KCNJ3: variants seen among roughly 807,000 people sequenced by gnomAD.
The protein encoded by KCNJ3 is G protein-activated inward rectifier potassium channel 1.
In KCNJ3, 4 loss-of-function variants were observed where a neutral mutation model predicts 39.2. That is an observed-to-expected ratio of 0.10 (90% confidence interval 0.05 to 0.23). The LOEUF (loss-of-function observed/expected upper bound fraction) is 0.23, where lower values mean the gene tolerates loss of function less well. Ranked by LOEUF, KCNJ3 falls within the 10% of genes least tolerant of loss-of-function variation. KCNJ3 has a pLI of 1.00. For missense variants in KCNJ3, 276 were observed against 634.9 expected (o/e 0.43, Z 6.08); for synonymous variants, 230 against 237.4 (o/e 0.97, Z 0.29).
chr2:154,827,131 G>A (rs1687284702), intron 2 of KCNJ3, among the ~76,000 whole-genome samples: 1 of 152,032 alleles, frequency 6.6e-6, no homozygotes, highest in African/African-American at 2.4e-5. Context: ...AGCTTAATAA[G>A]TCTGTTTTTA....
chr2:154,827,098 T>G lies in KCNJ3; in HGVS notation c.920-27629T>G, dbSNP rs530593764. Among the ~76,000 whole-genome samples the G allele has an allele frequency of 2.0e-5, 3 of 152,288 alleles. No individual in the cohort carries two copies. The South Asian group carries it at 6.2e-4, about 32-fold the overall frequency. Reference sequence around the variant, plus strand: ...TCCTGTTCTTGGAGATGACAACCTTTTGCCGAATTGTATCCTTCTCCCAGC... The same window carrying G: ...TCCTGTTCTTGGAGATGACAACCTTGTGCCGAATTGTATCCTTCTCCCAGC... On this transcript the variant is annotated intron_variant, in intron 2 of 2. Transcript: ENST00000295101.
At chr2:154,745,089 C>T (rs1448525285) in intron 2 of KCNJ3, among the ~76,000 whole-genome samples, 1 of 151,932 alleles carries the variant, frequency 6.6e-6, no homozygotes, top group Non-Finnish European at 1.5e-5. Context: ...AGGGAACACA[C>T]TCTACCTCAT....
chr2:154,835,008 ATTTT>A (rs1005525584), intron 2 of KCNJ3, among the ~76,000 whole-genome samples: 1 of 145,878 alleles, frequency 6.9e-6, no homozygotes, highest in Non-Finnish European at 1.5e-5. Context: ...TTCTCTTCCT[ATTTT>A]TTTTTTTAAA....
intron 2 of KCNJ3, among the ~76,000 whole-genome samples, chr2:154,841,461 A>T (rs1163629016): frequency 6.6e-6 from 1 of 152,212 alleles, no homozygotes; most frequent in East Asian, 1.9e-4. Flanking sequence ...TGAGTTAGAG[A>T]GGATTCCCTC....
chr2:154,723,061 A>G (rs1480862908), intron 2 of KCNJ3, among the ~76,000 whole-genome samples: 2 of 151,864 alleles, frequency 1.3e-5, no homozygotes, highest in Non-Finnish European at 2.9e-5. Flanking sequence ...CAGTTGGATT[A>G]CTTGAGCCCC....
rs557783038 is a variant in KCNJ3, at chr2:154,735,487, G to A, written c.919+25668G>A. The stretch of plus-strand genomic sequence containing the variant: ...ATTGGAAGACAATCAGTTTTACAGG[G>A]TAAGAATTGTTTTAATTATGTGGCA... On this transcript the variant is annotated intron_variant, in intron 2 of 2. Coordinates refer to ENST00000295101, the MANE Select transcript of KCNJ3 (RefSeq NM_002239.4). Among the ~76,000 whole-genome samples, 20 of 152,250 alleles carry A rather than the reference G, an allele frequency of 1.3e-4. No individual in the cohort carries two copies. The South Asian group carries it at 4.1e-3, about 32-fold the overall frequency.
At chr2:154,760,501 A>G (rs1041959949) in intron 2 of KCNJ3, among the ~76,000 whole-genome samples, 1 of 151,834 alleles carries the variant, frequency 6.6e-6, no homozygotes, top group Non-Finnish European at 1.5e-5. Context: ...AATTACTTTG[A>G]GCAAATTCAA....
chr2:154,788,010 C>T (rs560595689), intron 2 of KCNJ3, among the ~76,000 whole-genome samples: 4 of 152,028 alleles, frequency 2.6e-5, no homozygotes, highest in Non-Finnish European at 5.9e-5. Flanking sequence ...GACATCTGTC[C>T]ACACCCATTT....
intron 2 of KCNJ3, among the ~76,000 whole-genome samples, chr2:154,740,491 T>C (rs2105174494): frequency 6.6e-6 from 1 of 152,058 alleles, no homozygotes; most frequent in Non-Finnish European, 1.5e-5. Context: ...ACTGTTGCCT[T>C]TTTAGAGAGA....
intron 2 of KCNJ3, among the ~76,000 whole-genome samples, chr2:154,728,783 G>A (rs1685402666): frequency 6.6e-6 from 1 of 151,964 alleles, no homozygotes. Context: ...TGGGATTCTG[G>A]GCCAGTTGAA....
chr2:154,712,583 T>C (rs1374293955), intron 2 of KCNJ3, among the ~76,000 whole-genome samples: 1 of 152,128 alleles, frequency 6.6e-6, no homozygotes, highest in Non-Finnish European at 1.5e-5. Flanking sequence ...GCTAGAGATA[T>C]AGTGGTGACC....
At chr2:154,734,747 T>C (rs1402322591) in intron 2 of KCNJ3, among the ~76,000 whole-genome samples, 1 of 152,118 alleles carries the variant, frequency 6.6e-6, no homozygotes, top group African/African-American at 2.4e-5. Flanking sequence ...TCCCTATTGA[T>C]ATAGAATGAA....
chr2:154,836,597 T>G (rs553602988), intron 2 of KCNJ3, among the ~76,000 whole-genome samples: 108 of 104,990 alleles, frequency 1.0e-3, no homozygotes, highest in Non-Finnish European at 1.6e-3. Context: ...ATTTTTTCTT[T>G]TAAAATACAT....
intron 1 of KCNJ3, among the ~76,000 whole-genome samples, chr2:154,701,102 T>A (rs1684887900): frequency 6.6e-6 from 1 of 152,204 alleles, no homozygotes; most frequent in South Asian, 2.1e-4. Flanking sequence ...GTTGTAGATA[T>A]GTTTATTACA....
At chr2:154,812,404 A>AT (rs1687020844) in intron 2 of KCNJ3, among the ~76,000 whole-genome samples, 1 of 152,172 alleles carries the variant, frequency 6.6e-6, no homozygotes, top group Non-Finnish European at 1.5e-5. Flanking sequence ...GAGTTAGGAC[A>AT]AAAATTATAA....
At chr2:154,829,612 G>A (rs1238301009) in intron 2 of KCNJ3, among the ~76,000 whole-genome samples, 1 of 152,096 alleles carries the variant, frequency 6.6e-6, no homozygotes, top group Non-Finnish European at 1.5e-5. Context: ...TGTCATTATG[G>A]TTGAATGATT....
rs375059474 is a variant in KCNJ3 at position 154,747,595 on chromosome 2, C to T, written c.919+37776C>T. ...GTCTGAGCTCTCCTTATCTTACCCC[C>T]ATCTCCATTATAAGTAAACGGCTTT... On this transcript the variant is annotated intron_variant, in intron 2 of 2. Coordinates refer to ENST00000295101, the MANE Select transcript of KCNJ3 (RefSeq NM_002239.4). Among the ~76,000 whole-genome samples the T allele has an allele frequency of 3.9e-5, 6 of 152,040 alleles. No homozygotes were observed. In the East Asian group the frequency reaches 1.2e-3, roughly 29 times the overall value.
rs1450297367 is a variant in KCNJ3 at position 154,736,363 on chromosome 2, G to A, written c.919+26544G>A. 6.8e-5 allele frequency among the ~76,000 whole-genome samples: 7 copies of A among 102,658 alleles called. No homozygotes were observed. In the East Asian group the frequency reaches 1.9e-3, roughly 28 times the overall value. The allele number at this position is 102,658 out of a possible 152,430, so 67.3% of individuals were successfully genotyped here. A position where few individuals can be genotyped will look rare whatever the true frequency, so the allele number is the denominator to read the frequency against. ...TTTAGAGTGGAAGAGAGTGACAGGA[G>A]TCACTAGTTCTAAAAAAAAAAAAAA... On this transcript the variant is annotated intron_variant, in intron 2 of 2. Coordinates refer to ENST00000295101, the MANE Select transcript of KCNJ3 (RefSeq NM_002239.4).
intron 1 of KCNJ3, among the ~76,000 whole-genome samples, chr2:154,705,160 C>T (rs911418181): frequency 1.3e-5 from 2 of 152,068 alleles, no homozygotes; most frequent in African/African-American, 2.4e-5. Context: ...TAGGAAAGAA[C>T]GTAGTTACAT....
Sources: gnomAD v4.1 joint callset for allele counts (sites outside exome capture counted in the v4.1 genomes callset) on GRCh38, gnomAD v4.1.1 for gene constraint, MANE v1.5 for transcripts, NCBI Gene and HGNC (gene_info 2026-07-23, HGNC 2026-07-21) for gene names.